The following NAF1 variants were observed in gnomAD, a reference collection of about 807,000 sequenced individuals.
NAF1 encodes the protein nuclear assembly factor 1 ribonucleoprotein.
A neutral mutation model predicts 40.6 loss-of-function variants in NAF1; 11 were observed. The observed-to-expected ratio is 0.27, with a 90% CI of 0.17 to 0.45. The LOEUF (loss-of-function observed/expected upper bound fraction) is 0.45. Among genes scored for constraint, NAF1 ranks in the 20% least tolerant of loss-of-function variants. The pLI is 1.00. For missense variants in NAF1, 607 were observed against 611.1 expected (o/e 0.99, Z 0.07); for synonymous variants, 260 against 228.5 (o/e 1.14, Z -1.24).
intron 2 of NAF1, among the ~76,000 whole-genome samples, chr4:163,163,281 G>A (rs376812078): frequency 4.3e-4 from 65 of 152,210 alleles, no homozygotes; most frequent in African/African-American, 1.4e-3. Context: ...TAAGCGAGAC[G>A]AGAATTTCTT....
chr4:163,129,230 T>C lies in NAF1; in HGVS notation c.1152A>G (p.Arg384=). 6.2e-7 allele frequency: 1 copy of C among 1,614,046 alleles called. No homozygotes were observed. The highest frequency in any genetic ancestry group is 2.2e-5 in the East Asian group (1 of 44,870). ...GAGGTGGAGGCCTGCCATGGCAAGA[T>C]CGAGGGTATCTGGCCCTGGAAAATC... ...TRGFSRARYP[R]SCHGRPPPQH... The change falls in exon 8 of 8, where the codon CGA becomes CGG. Residue 384 remains arginine (R), a synonymous_variant. Transcript: ENST00000274054.
chr4:163,127,087 G>A (rs1194339424), downstream of NAF1: 3 of 1,551,514 alleles, frequency 1.9e-6, no homozygotes, highest in Non-Finnish European at 2.6e-6. Context: ...TGGATCCGAG[G>A]CCACAATATC....
chr4:163,133,018 T>C, intron 7 of NAF1, 136 bp downstream of exon 7: 1 of 683,032 alleles, frequency 1.5e-6, no homozygotes. Flanking sequence ...TCCTGCTATG[T>C]AATGGCTCTA....
chr4:163,149,853 G>A (rs1475300376), intron 2 of NAF1, among the ~76,000 whole-genome samples: 4 of 152,132 alleles, frequency 2.6e-5, no homozygotes, highest in Non-Finnish European at 4.4e-5. Context: ...TTAAATACAA[G>A]ACTGGATAAC....
chr4:163,150,838 T>C (rs1033690680), intron 2 of NAF1, among the ~76,000 whole-genome samples: 2 of 152,130 alleles, frequency 1.3e-5, no homozygotes, highest in African/African-American at 4.8e-5. Context: ...TGACAGTTAC[T>C]GCTAAATTTC....
chr4:163,154,074 G>A (rs968351657), intron 2 of NAF1, among the ~76,000 whole-genome samples: 1 of 151,626 alleles, frequency 6.6e-6, no homozygotes, highest in African/African-American at 2.4e-5. Context: ...GAACCCACCA[G>A]AAGGAAGAAA....
chr4:163,166,578 G>T lies in NAF1; in HGVS notation c.150C>A (p.Ser50=). The change falls in exon 1 of 8, where the codon TCC becomes TCA. Residue 50 remains serine (S), a synonymous_variant. Transcript: ENST00000274054. ...TQPPLQSFEG[S]PDAGQTVEVK... ...CCTCCACGGTCTGCCCAGCGTCCGGGGACCCCTCAAACGACTGTAGCGGCG... is the reference window on the plus strand; with the variant it reads ...CCTCCACGGTCTGCCCAGCGTCCGGTGACCCCTCAAACGACTGTAGCGGCG... 1 of 1,610,090 alleles carries T rather than the reference G, an allele frequency of 6.2e-7. No individual in the cohort carries two copies. The highest frequency in any genetic ancestry group is 8.5e-7 in the Non-Finnish European group (1 of 1,178,870).
At chr4:163,128,579 A>G (rs1730737116), downstream of NAF1, 2 of 250,546 alleles carry the variant, frequency 8.0e-6, no homozygotes, top group African/African-American at 4.7e-5. Flanking sequence ...TATTTTACCC[A>G]TGATGAAACT....
intron 2 of NAF1, among the ~76,000 whole-genome samples, chr4:163,114,380 G>C (rs1350932065): frequency 6.6e-6 from 1 of 152,198 alleles, no homozygotes; most frequent in African/African-American, 2.4e-5. Flanking sequence ...GCTTCTACCT[G>C]TCCAATCTTG....
At chr4:163,126,855 A>G, downstream of NAF1, 1 of 1,366,996 alleles carries the variant, frequency 7.3e-7, no homozygotes, top group Non-Finnish European at 9.6e-7. Flanking sequence ...ACAGCACTTG[A>G]GTCCAGACCT....
intron 2 of NAF1, chr4:163,119,737 T>C (rs959531000): frequency 2.6e-5 from 4 of 152,154 alleles, no homozygotes; most frequent in Admixed American, 2.0e-4. Context: ...TACTCCACAG[T>C]CCGTATATTA....
downstream of NAF1, among the ~76,000 whole-genome samples, chr4:163,122,317 C>T (rs1278220256): frequency 1.3e-5 from 2 of 152,012 alleles, no homozygotes; most frequent in African/African-American, 4.8e-5. Flanking sequence ...TGTTCACCAG[C>T]TCTAAACAAT....
downstream of NAF1, among the ~76,000 whole-genome samples, chr4:163,107,356 A>C (rs978551981): frequency 6.6e-6 from 1 of 152,192 alleles, no homozygotes; most frequent in Non-Finnish European, 1.5e-5. Flanking sequence ...GCAAGTCTCT[A>C]TGTGTACTTG....
intron 4 of NAF1, 127 bp from the exon 5 acceptor site, chr4:163,140,510 T>G: frequency 1.4e-6 from 1 of 715,960 alleles, no homozygotes; most frequent in Non-Finnish European, 2.2e-6. Context: ...GTTAGGGCAA[T>G]AAAATAATTT....
At chr4:163,124,528 T>C (rs761059158), downstream of NAF1, among the ~76,000 whole-genome samples, 2 of 152,220 alleles carry the variant, frequency 1.3e-5, no homozygotes, top group Non-Finnish European at 2.9e-5. Flanking sequence ...TAGTTATACT[T>C]TATTGTTTAG....
chr4:163,116,643 G>C (rs75965042), intron 2 of NAF1, among the ~76,000 whole-genome samples: 4,962 of 152,242 alleles, frequency 0.033, 111 homozygotes, highest in Non-Finnish European at 0.049. Context: ...CCTGGGATCA[G>C]ACAACTCCTG....
chr4:163,119,720 A>G (rs1730460455), intron 2 of NAF1: 1 of 152,236 alleles, frequency 6.6e-6, no homozygotes, highest in Non-Finnish European at 1.5e-5. Context: ...AAATACGGAA[A>G]GTAATATACT....
chr4:163,134,347 A>G (rs1036709893), intron 6 of NAF1, among the ~76,000 whole-genome samples: 10 of 152,224 alleles, frequency 6.6e-5, no homozygotes, highest in African/African-American at 1.9e-4. Flanking sequence ...TCACTGGAAT[A>G]CATTCTAGAT....
At chr4:163,158,716 T>C (rs1476622995) in intron 2 of NAF1, among the ~76,000 whole-genome samples, 2 of 152,102 alleles carry the variant, frequency 1.3e-5, no homozygotes, top group African/African-American at 4.8e-5. Flanking sequence ...ATAAGAAACC[T>C]CCAACAATGA....
Sources: allele counts gnomAD v4.1 joint callset (sites outside exome capture counted in the v4.1 genomes callset), GRCh38; gene constraint gnomAD v4.1.1; transcripts MANE v1.5; gene names NCBI Gene and HGNC (gene_info 2026-07-23, HGNC 2026-07-21).